The following NRXN3 variants were observed in gnomAD, a reference collection of about 807,000 sequenced individuals.
NRXN3 encodes the protein neurexin 3, also known as neurexin III.
In NRXN3, 32 loss-of-function variants were observed where a neutral mutation model predicts 137.6. The observed-to-expected ratio is 0.23, with a 90% CI of 0.18 to 0.31. The LOEUF is 0.31. Ranked by LOEUF, NRXN3 falls within the 10% of genes least tolerant of loss-of-function variation. The pLI is 1.00. For synonymous variants in NRXN3, 798 were observed against 784.5 expected (o/e 1.02, Z -0.29); for missense variants, 1,574 against 2,062.5 (o/e 0.76, Z 4.59).
intron 10 of NRXN3, among the ~76,000 whole-genome samples, chr14:78,923,370 G>A (rs2099276331): frequency 6.6e-6 from 1 of 152,154 alleles, no homozygotes; most frequent in Non-Finnish European, 1.5e-5. Flanking sequence ...GAGTATGTTC[G>A]ATGCACTAAA....
chr14:78,810,394 A>T, intron 10 of NRXN3, 50 bp downstream of exon 10: 1 of 1,102,550 alleles, frequency 9.1e-7, no homozygotes, highest in Non-Finnish European at 1.3e-6. Flanking sequence ...AAAAAACAAA[A>T]CTGACTTTAT....
intron 10 of NRXN3, among the ~76,000 whole-genome samples, chr14:78,905,929 C>A (rs1277192633): frequency 2.6e-5 from 4 of 151,726 alleles, no homozygotes; most frequent in African/African-American, 9.7e-5. Flanking sequence ...AAAGAACATA[C>A]GATTTGGTGG....
chr14:78,462,151 G>A (rs2094939105), intron 4 of NRXN3, among the ~76,000 whole-genome samples: 1 of 152,230 alleles, frequency 6.6e-6, no homozygotes, highest in African/African-American at 2.4e-5. Flanking sequence ...TAGGAAGGAA[G>A]CCCGGCTTCC....
chr14:78,769,459 C>T (rs2098719852), intron 8 of NRXN3, among the ~76,000 whole-genome samples: 1 of 152,174 alleles, frequency 6.6e-6, no homozygotes, highest in African/African-American at 2.4e-5. Context: ...ATTCAACCCA[C>T]AACAGTAACT....
chr14:79,063,638 A>G (rs1237290885), intron 15 of NRXN3, among the ~76,000 whole-genome samples: 2 of 152,182 alleles, frequency 1.3e-5, no homozygotes, highest in Non-Finnish European at 2.9e-5. Flanking sequence ...TCACCACATC[A>G]TCACAGGCAT....
intron 4 of NRXN3, among the ~76,000 whole-genome samples, chr14:78,454,938 C>A (rs2094649260): frequency 6.6e-6 from 1 of 152,280 alleles, no homozygotes; most frequent in African/African-American, 2.4e-5. Flanking sequence ...TGGATTCTGC[C>A]ATAGGCTTGT....
At chr14:78,781,550 C>A (rs560029754) in intron 8 of NRXN3, among the ~76,000 whole-genome samples, 14 of 152,296 alleles carry the variant, frequency 9.2e-5, no homozygotes, top group African/African-American at 3.4e-4. Flanking sequence ...CTTACACTCC[C>A]TGCTCTCAAT....
chr14:79,004,984 T>C (rs2152354634), intron 15 of NRXN3, among the ~76,000 whole-genome samples: 1 of 152,288 alleles, frequency 6.6e-6, no homozygotes, highest in Middle Eastern at 3.4e-3. Context: ...TGACTTAAGT[T>C]TTCATGTTGT....
At chr14:78,787,097 A>G (rs973405065) in intron 8 of NRXN3, among the ~76,000 whole-genome samples, 1 of 152,174 alleles carries the variant, frequency 6.6e-6, no homozygotes, top group Non-Finnish European at 1.5e-5. Context: ...TGACTTTTCT[A>G]GGAAATTCAT....
At chr14:78,784,683 G>T (rs549235292) in intron 8 of NRXN3, among the ~76,000 whole-genome samples, 1 of 152,286 alleles carries the variant, frequency 6.6e-6, no homozygotes, top group South Asian at 2.1e-4. Flanking sequence ...CCACTATTGA[G>T]AGCAAAGAAT....
chr14:78,646,270 C>T (rs2097687092), intron 5 of NRXN3, among the ~76,000 whole-genome samples: 1 of 152,140 alleles, frequency 6.6e-6, no homozygotes, highest in Non-Finnish European at 1.5e-5. Context: ...AATAATAATA[C>T]CTCATCAGCT....
intron 10 of NRXN3, among the ~76,000 whole-genome samples, chr14:78,882,176 A>T (rs1382946871): frequency 2.6e-5 from 4 of 151,874 alleles, no homozygotes; most frequent in African/African-American, 9.7e-5. Context: ...TCCAGGCAGA[A>T]GTCTGCTGCA....
rs150418709 is a variant in NRXN3 at position 78,383,198 on chromosome 14, G to T, written c.757+85338G>T. On this transcript the variant is annotated intron_variant, in intron 4 of 20. Coordinates refer to ENST00000335750, the MANE Select transcript of NRXN3 (RefSeq NM_001330195.2). ...AGACATCTGTGCTTGGAGTGAACTC[G>T]GAATGACTGGAGGCCACTTTTGGCA... is the stretch of plus-strand genomic sequence containing the variant. 1.1e-3 allele frequency among the ~76,000 whole-genome samples: 161 copies of T among 152,220 alleles called. 1 individual carries two copies. Among genetic ancestry groups the T allele is most frequent in the African/African-American group, 3.5e-3 (147 of 41,530 alleles).
Position 78,960,925 on chromosome 14 carries a change from A to T in NRXN3, c.2395+3564A>T, listed in dbSNP as rs113561979. 3.9e-3 allele frequency among the ~76,000 whole-genome samples: 593 copies of T among 152,268 alleles called. 4 individuals carry two copies. Among genetic ancestry groups the T allele is most frequent in the African/African-American group, 0.013 (557 of 41,550 alleles). ...GGAGTGTGCGGTCAAACAAAATGAA[A>T]TGGAGTTCTTTATTGCCAGGCTTAT... On this transcript the variant is annotated intron_variant, in intron 11 of 20. Coordinates refer to ENST00000335750, the MANE Select transcript of NRXN3 (RefSeq NM_001330195.2).
At chr14:79,528,598 A>G (rs956154080) in intron 16 of NRXN3, among the ~76,000 whole-genome samples, 1 of 152,162 alleles carries the variant, frequency 6.6e-6, no homozygotes, top group Non-Finnish European at 1.5e-5. Flanking sequence ...TAGTGAGATT[A>G]CAGGTAATTT....
At chr14:79,130,307 C>T (rs547365232) in intron 15 of NRXN3, among the ~76,000 whole-genome samples, 56 of 151,040 alleles carry the variant, frequency 3.7e-4, no homozygotes, top group East Asian at 1.9e-3. Flanking sequence ...GATTTTGCAG[C>T]GGCTGGTATC....
chr14:79,072,000 A>G (rs1320053052), intron 15 of NRXN3: 1 of 148,714 alleles, frequency 6.7e-6, no homozygotes, highest in Non-Finnish European at 1.5e-5. Flanking sequence ...AGATAGGCAG[A>G]TAGATAATAA....
chr14:78,400,483 T>C (rs2153653910), intron 4 of NRXN3, among the ~76,000 whole-genome samples: 1 of 152,298 alleles, frequency 6.6e-6, no homozygotes, highest in South Asian at 2.1e-4. Flanking sequence ...CCCAAGTATT[T>C]AGTTTGATTC....
At chr14:79,347,135 G>A (rs1168231892) in intron 15 of NRXN3, among the ~76,000 whole-genome samples, 2 of 151,950 alleles carry the variant, frequency 1.3e-5, no homozygotes, top group Admixed American at 6.6e-5. Flanking sequence ...ACCCTTATCT[G>A]TATTCTGATA....
Sources: allele counts gnomAD v4.1 joint callset (sites outside exome capture counted in the v4.1 genomes callset), GRCh38; gene constraint gnomAD v4.1.1; transcripts MANE v1.5; gene names NCBI Gene and HGNC (gene_info 2026-07-23, HGNC 2026-07-21).